The following LDAH variants were observed in gnomAD, a reference collection of about 807,000 sequenced individuals.
LDAH encodes lipid droplet associated hydrolase.
A neutral mutation model predicts 29.6 loss-of-function variants in LDAH; 26 were observed. That is an observed-to-expected ratio of 0.88 (90% CI 0.64 to 1.22). The LOEUF is 1.22. Ranked by LOEUF, LDAH falls within the 50% of genes most tolerant of loss-of-function variation. The probability of loss-of-function intolerance (pLI) is 0.00; values close to 1 mark genes in which losing one functional copy is unlikely to be tolerated. For synonymous variants in LDAH, 117 were observed against 133.0 expected, an observed-to-expected ratio of 0.88 and a Z score of 0.83; for missense variants, 344 against 387.3, an observed-to-expected ratio of 0.89 and a Z score of 0.94.
chr2:20,715,619 T>C (rs1328412628), intron 5 of LDAH, among the ~76,000 whole-genome samples: 1 of 152,190 alleles, frequency 6.6e-6, no homozygotes, highest in Non-Finnish European at 1.5e-5. Context: ...CATGATTGTA[T>C]ATTTAGAAAA....
intron 3 of LDAH, among the ~76,000 whole-genome samples, chr2:20,777,198 A>G (rs1341989943): frequency 6.6e-6 from 1 of 152,186 alleles, no homozygotes; most frequent in Non-Finnish European, 1.5e-5. Context: ...TTTCACTGAC[A>G]TCATAAATAA....
At chr2:20,709,435 G>C (rs1664539488) in intron 5 of LDAH, among the ~76,000 whole-genome samples, 1 of 152,008 alleles carries the variant, frequency 6.6e-6, no homozygotes, top group Admixed American at 6.6e-5. Context: ...TAGTCATCAA[G>C]GAAATATAAT....
At chr2:20,821,652 A>T (rs1673315148) in intron 1 of LDAH, among the ~76,000 whole-genome samples, 1 of 152,188 alleles carries the variant, frequency 6.6e-6, no homozygotes, top group African/African-American at 2.4e-5. Context: ...GCATTAGGAG[A>T]TATACCTAAT....
intron 1 of LDAH, among the ~76,000 whole-genome samples, chr2:20,802,496 C>T (rs1671777550): frequency 6.6e-6 from 1 of 152,164 alleles, no homozygotes; most frequent in Non-Finnish European, 1.5e-5. Context: ...CCAATTATTT[C>T]TATCACTCCT....
In LDAH at chr2:20,742,908, C is replaced by T. The variant is rs1490715196; in HGVS notation, c.469-2703G>A. Among the ~76,000 whole-genome samples the T allele has an allele frequency of 2.7e-5, 4 of 150,934 alleles. No individual in the cohort carries two copies. The East Asian group carries it at 7.8e-4, about 30-fold the overall frequency. On this transcript the variant is annotated intron_variant, in intron 4 of 6. Transcript: ENST00000237822. Reference sequence around the variant, plus strand: ...CTGAGTAGCTGGGGCTACAGGCACACACCACCACGCCTGGCTAATTTTTCA... The same window carrying T: ...CTGAGTAGCTGGGGCTACAGGCACATACCACCACGCCTGGCTAATTTTTCA...
chr2:20,749,328 T>G (rs1482242913), intron 4 of LDAH, among the ~76,000 whole-genome samples: 2 of 152,218 alleles, frequency 1.3e-5, no homozygotes, highest in Non-Finnish European at 2.9e-5. Flanking sequence ...AAAGTGCTGA[T>G]GATAGAATAC....
intron 4 of LDAH, among the ~76,000 whole-genome samples, chr2:20,752,510 T>C (rs1454246885): frequency 1.3e-5 from 2 of 152,192 alleles, no homozygotes; most frequent in Non-Finnish European, 2.9e-5. Flanking sequence ...CTGTAACAAA[T>C]TGCTACAAAT....
chr2:20,694,146 C>A (rs377203885), intron 6 of LDAH, among the ~76,000 whole-genome samples: 3 of 74,654 alleles, frequency 4.0e-5, no homozygotes, highest in African/African-American at 2.1e-4. Context: ...AGGCCCCCTA[C>A]TTCCCAGCTA....
intron 2 of LDAH, among the ~76,000 whole-genome samples, chr2:20,799,667 C>T (rs897824244): frequency 2.0e-5 from 3 of 152,060 alleles, no homozygotes. Context: ...TCTCTTCATC[C>T]CTCCTCCCAG....
At chr2:20,759,085 G>A (rs1362389830) in intron 4 of LDAH, among the ~76,000 whole-genome samples, 3 of 152,180 alleles carry the variant, frequency 2.0e-5, no homozygotes, top group Non-Finnish European at 2.9e-5. Context: ...GATTATGAAA[G>A]GGGAAAAGGC....
chr2:20,800,995 A>C (rs1429552645), intron 2 of LDAH, among the ~76,000 whole-genome samples: 1 of 152,194 alleles, frequency 6.6e-6, no homozygotes, highest in Non-Finnish European at 1.5e-5. Flanking sequence ...GAAAACTGGC[A>C]AAAATATTGA....
chr2:20,737,922 G>C (rs900280672), intron 5 of LDAH, among the ~76,000 whole-genome samples: 13 of 152,008 alleles, frequency 8.6e-5, no homozygotes, highest in Non-Finnish European at 1.9e-4. Context: ...GATATCTGGA[G>C]AACAAAGGCA....
intron 6 of LDAH, among the ~76,000 whole-genome samples, chr2:20,694,848 G>A (rs1290612148): frequency 6.6e-6 from 1 of 152,222 alleles, no homozygotes; most frequent in African/African-American, 2.4e-5. Flanking sequence ...TAAAGGGCCA[G>A]GATCCTCTCC....
intron 3 of LDAH, among the ~76,000 whole-genome samples, chr2:20,788,151 A>T (rs1009005109): frequency 6.6e-6 from 1 of 152,234 alleles, no homozygotes. Context: ...AAATACAATA[A>T]AGGAAGGTAA....
At chr2:20,760,882 G>A (rs557255631) in intron 4 of LDAH, among the ~76,000 whole-genome samples, 4 of 152,272 alleles carry the variant, frequency 2.6e-5, no homozygotes, top group East Asian at 1.9e-4. Flanking sequence ...AGGGGATTAC[G>A]TGTAGGAATG....
At chr2:20,728,403 C>T (rs1293059820) in intron 5 of LDAH, among the ~76,000 whole-genome samples, 1 of 152,170 alleles carries the variant, frequency 6.6e-6, no homozygotes, top group Non-Finnish European at 1.5e-5. Flanking sequence ...TTGATAACCC[C>T]TCTCTTTGTG....
intron 1 of LDAH, among the ~76,000 whole-genome samples, chr2:20,819,753 G>C (rs62123882): frequency 0.012 from 1,795 of 152,318 alleles, 30 homozygotes; most frequent in Non-Finnish European, 0.014. Flanking sequence ...AGTGTTGGAA[G>C]TTCTGGCCAG....
Position 20,740,182 on chromosome 2 carries a change from AAAGAG to A in LDAH, c.487_491del (p.Leu163SerfsTer4). The A allele has an allele frequency of 6.2e-7, 1 of 1,613,992 alleles. No individual in the cohort carries two copies. The highest frequency in any genetic ancestry group is 8.5e-7 in the Non-Finnish European group (1 of 1,179,890). ...ACTCAGACATTCGTTCAATTGTTGG[AAAGAG>A]CAGAAAGGCACGAATTACCTGCAAT... is the stretch of plus-strand genomic sequence containing the variant. On this transcript the variant is annotated frameshift_variant, in exon 5 of 7. Coordinates refer to ENST00000237822, the MANE Select transcript of LDAH (RefSeq NM_021925.4). LOFTEE classifies it high-confidence loss of function.
chr2:20,747,835 T>C (rs138415801), intron 4 of LDAH, among the ~76,000 whole-genome samples: 21 of 152,240 alleles, frequency 1.4e-4, no homozygotes, highest in African/African-American at 4.8e-4. Context: ...TTAATACACA[T>C]AAAAACCTTA....
Sources: allele counts gnomAD v4.1 joint callset (sites outside exome capture counted in the v4.1 genomes callset), GRCh38; gene constraint gnomAD v4.1.1; transcripts MANE v1.5; gene names NCBI Gene and HGNC (gene_info 2026-07-23, HGNC 2026-07-21).